CDH2: variants seen among roughly 807,000 people sequenced by gnomAD.
CDH2 encodes cadherin-2.
A neutral mutation model predicts 92.0 loss-of-function variants in CDH2; 17 were observed. That is an observed-to-expected ratio of 0.18 (90% CI 0.13 to 0.28). CDH2 has a LOEUF of 0.28. CDH2 is among the 10% of genes least tolerant of loss of function. The probability of loss-of-function intolerance (pLI) is 1.00; values close to 1 mark genes in which losing one functional copy is unlikely to be tolerated. For missense variants in CDH2, 862 were observed against 1,133.1 expected (o/e 0.76, Z 3.44); for synonymous variants, 419 against 415.9 (o/e 1.01, Z -0.09).
chr18:28,027,992 T>TTA (rs1171632265), intron 2 of CDH2, among the ~76,000 whole-genome samples: 1 of 152,050 alleles, frequency 6.6e-6, no homozygotes, highest in African/African-American at 2.4e-5. Flanking sequence ...TTGATGTAAT[T>TTA]TAGTTAGCTC....
At chr18:28,108,827 C>T (rs11564389) in intron 2 of CDH2, among the ~76,000 whole-genome samples, 32,508 of 150,836 alleles carry the variant, frequency 0.22, 3,711 homozygotes, top group Middle Eastern at 0.36. Flanking sequence ...CTTAACCTCA[C>T]GTAGAAGCAA....
chr18:28,114,093 A>T (rs1310818669), intron 2 of CDH2, among the ~76,000 whole-genome samples: 1 of 152,112 alleles, frequency 6.6e-6, no homozygotes, highest in Non-Finnish European at 1.5e-5. Flanking sequence ...TTGTTAAAGG[A>T]TACAAAATTA....
At chr18:28,005,813 C>G in intron 6 of CDH2, 36 bp downstream of exon 6, 1 of 1,557,286 alleles carries the variant, frequency 6.4e-7, no homozygotes, top group Non-Finnish European at 8.8e-7. Flanking sequence ...CCATACTTTC[C>G]TCAAGTCATC....
chr18:28,046,420 A>T (rs2014077722), intron 2 of CDH2, among the ~76,000 whole-genome samples: 1 of 152,248 alleles, frequency 6.6e-6, no homozygotes, highest in African/African-American at 2.4e-5. Flanking sequence ...ATGCTATAAT[A>T]AAAACTTGAG....
chr18:28,007,042 T>C (rs2012944978), intron 5 of CDH2, among the ~76,000 whole-genome samples: 1 of 150,390 alleles, frequency 6.6e-6, no homozygotes, highest in African/African-American at 2.4e-5. Context: ...GTGCCTGTAA[T>C]CCCAGCTACT....
intron 1 of CDH2, among the ~76,000 whole-genome samples, chr18:28,160,459 G>C (rs45499394): frequency 2.8e-4 from 43 of 152,174 alleles, no homozygotes; most frequent in Admixed American, 1.3e-4. Flanking sequence ...TAATAACACT[G>C]AGTTCAAGAA....
At chr18:28,114,528 A>AT (rs2015464227) in intron 2 of CDH2, among the ~76,000 whole-genome samples, 1 of 152,208 alleles carries the variant, frequency 6.6e-6, no homozygotes, top group Non-Finnish European at 1.5e-5. Context: ...TTATACTTGA[A>AT]TTTTTCCTAA....
intron 15 of CDH2, among the ~76,000 whole-genome samples, chr18:27,955,436 A>T (rs1909665721): frequency 6.6e-6 from 1 of 151,078 alleles, no homozygotes; most frequent in African/African-American, 2.4e-5. Context: ...AAAAAGACTC[A>T]AATTAGCCCG....
At chr18:28,060,532 C>T (rs1386681577) in intron 2 of CDH2, among the ~76,000 whole-genome samples, 1 of 152,082 alleles carries the variant, frequency 6.6e-6, no homozygotes, top group Non-Finnish European at 1.5e-5. Context: ...GAAGAACCTG[C>T]CTATCTAATA....
At chr18:27,988,738 C>A in intron 10 of CDH2, 72 bp from the exon 11 acceptor site, 2 of 1,098,332 alleles carry the variant, frequency 1.8e-6, no homozygotes. Context: ...GGTTTAGTTC[C>A]AAATGCAACT....
intron 2 of CDH2, among the ~76,000 whole-genome samples, chr18:28,115,097 A>C (rs926871401): frequency 9.1e-4 from 138 of 152,250 alleles, no homozygotes; most frequent in African/African-American, 3.2e-3. Flanking sequence ...TGGGCTGAGA[A>C]CCTTGGAGTG....
chr18:28,020,311 A>C (rs561493469), intron 2 of CDH2, among the ~76,000 whole-genome samples: 1 of 152,208 alleles, frequency 6.6e-6, no homozygotes, highest in Admixed American at 6.5e-5. Context: ...TTAATTTATA[A>C]GTTATATATT....
At chr18:27,980,787 C>A (rs1411445605) in intron 14 of CDH2, among the ~76,000 whole-genome samples, 3 of 128,772 alleles carry the variant, frequency 2.3e-5, no homozygotes, top group African/African-American at 3.1e-5. Context: ...AAGAGTTTGG[C>A]TGGGGTCAAA....
At chr18:28,122,115 C>T (rs2015598451) in intron 2 of CDH2, among the ~76,000 whole-genome samples, 2 of 152,042 alleles carry the variant, frequency 1.3e-5, no homozygotes, top group African/African-American at 4.8e-5. Flanking sequence ...TTCCTGGTAC[C>T]ATATGCCCAA....
In CDH2 at chr18:28,154,338, GCCCACC is replaced by G. The variant is rs1473671956; in HGVS notation, c.61-6560_61-6555del. 3.0e-4 allele frequency among the ~76,000 whole-genome samples: 46 copies of G among 152,310 alleles called. 1 individual carries two copies. In the South Asian group the frequency reaches 6.2e-3, roughly 21 times the overall value. On this transcript the variant is annotated intron_variant, in intron 1 of 15. Coordinates refer to ENST00000269141, the MANE Select transcript of CDH2 (RefSeq NM_001792.5). ...GACAAGCAGTCAACAAGCCCTCTCG[GCCCACC>G]AGCGTGAAATTCACGCTGGTCAGAG...
chr18:27,942,652 A>C (rs1470277489), intron 6 of CDH2, among the ~76,000 whole-genome samples: 2 of 152,252 alleles, frequency 1.3e-5, no homozygotes, highest in Non-Finnish European at 2.9e-5. Flanking sequence ...ACAGAAGAAA[A>C]GATTCATCTT....
intron 2 of CDH2, among the ~76,000 whole-genome samples, chr18:28,101,686 T>C (rs1469239810): frequency 2.0e-5 from 3 of 152,138 alleles, no homozygotes; most frequent in Non-Finnish European, 4.4e-5. Flanking sequence ...AAAGGATTGA[T>C]TGAAGTACAA....
chr18:28,086,479 T>TG (rs1438116157), intron 2 of CDH2, among the ~76,000 whole-genome samples: 5 of 151,776 alleles, frequency 3.3e-5, no homozygotes, highest in Non-Finnish European at 5.9e-5. Context: ...AGAAAGACTG[T>TG]GTACCTAACA....
intron 1 of CDH2, among the ~76,000 whole-genome samples, chr18:28,169,202 T>C (rs972448776): frequency 2.0e-5 from 3 of 152,192 alleles, no homozygotes; most frequent in African/African-American, 7.2e-5. Flanking sequence ...TTCTCTGCTG[T>C]ATCTGCTCTA....
Sources: gnomAD v4.1 joint callset for allele counts (sites outside exome capture counted in the v4.1 genomes callset) on GRCh38, gnomAD v4.1.1 for gene constraint, MANE v1.5 for transcripts, NCBI Gene and HGNC (gene_info 2026-07-23, HGNC 2026-07-21) for gene names.